NUBPL: variants seen among roughly 807,000 people sequenced by gnomAD.
The protein encoded by NUBPL is NUBP iron-sulfur cluster assembly factor, mitochondrial.
In NUBPL, 31 loss-of-function variants were observed where a neutral mutation model predicts 45.7. The observed-to-expected ratio is 0.68, with a 90% CI of 0.51 to 0.92. NUBPL has a LOEUF of 0.92. Among genes scored for constraint, NUBPL ranks in the 40% least tolerant of loss-of-function variants. The pLI, the probability that NUBPL is intolerant of heterozygous loss-of-function variation, is 0.00. For synonymous variants in NUBPL, 144 were observed against 140.9 expected, an observed-to-expected ratio of 1.02 and a Z score of -0.15; for missense variants, 401 against 398.7, an observed-to-expected ratio of 1.01 and a Z score of -0.05.
At chr14:31,693,523 TAA>T (rs1176068611) in intron 6 of NUBPL, among the ~76,000 whole-genome samples, 1 of 152,168 alleles carries the variant, frequency 6.6e-6, no homozygotes, top group Non-Finnish European at 1.5e-5. Context: ...CTTAAGATAT[TAA>T]GTTAGCCATA....
intron 4 of NUBPL, among the ~76,000 whole-genome samples, chr14:31,666,369 ATTC>A (rs1368079482): frequency 2.0e-5 from 3 of 151,204 alleles, no homozygotes; most frequent in African/African-American, 7.3e-5. Flanking sequence ...GGTTCAAACA[ATTC>A]TTCTGCTACA....
chr14:31,822,875 T>C (rs182032217), intron 7 of NUBPL, among the ~76,000 whole-genome samples: 1 of 152,150 alleles, frequency 6.6e-6, no homozygotes, highest in Admixed American at 6.6e-5. Context: ...CCAAATGGCA[T>C]AGATGCTTAT....
At chr14:31,715,961 T>C (rs1021047760) in intron 6 of NUBPL, among the ~76,000 whole-genome samples, 2 of 152,332 alleles carry the variant, frequency 1.3e-5, no homozygotes, top group South Asian at 4.1e-4. Context: ...TTTCTTTACA[T>C]CCTTTTTTCT....
intron 4 of NUBPL, among the ~76,000 whole-genome samples, chr14:31,635,225 C>G (rs1312312014): frequency 7.2e-5 from 11 of 151,930 alleles, no homozygotes; most frequent in Admixed American, 7.2e-4. Flanking sequence ...GGTTTTAGGT[C>G]TAACGTTTAA....
At chr14:31,606,391 C>T (rs1001697348) in intron 4 of NUBPL, among the ~76,000 whole-genome samples, 8 of 152,186 alleles carry the variant, frequency 5.3e-5, no homozygotes, top group African/African-American at 1.7e-4. Flanking sequence ...CACACCTGGC[C>T]TGGAACTGAG....
chr14:31,838,279 C>CAAAAAAAAAAAAAAAAAAAAA (rs748313330), intron 8 of NUBPL, among the ~76,000 whole-genome samples: 2 of 60,268 alleles, frequency 3.3e-5, no homozygotes, highest in African/African-American at 5.1e-5. Flanking sequence ...TAATATCCAG[C>CAAAAAAAAAAAAAAAAAAAAA]AAAAAAAAAA....
intron 6 of NUBPL, among the ~76,000 whole-genome samples, chr14:31,694,503 A>AT (rs2037170253): frequency 2.0e-5 from 3 of 152,116 alleles, no homozygotes; most frequent in African/African-American, 7.2e-5. Flanking sequence ...ATCTTACAGC[A>AT]ACATACATAC....
At chr14:31,730,090 G>A (rs540656464) in intron 6 of NUBPL, among the ~76,000 whole-genome samples, 8 of 152,134 alleles carry the variant, frequency 5.3e-5, no homozygotes, top group Admixed American at 2.0e-4. Context: ...ATGGCAGTAC[G>A]GCAATTTGGA....
intron 7 of NUBPL, among the ~76,000 whole-genome samples, chr14:31,807,276 A>C (rs1464703686): frequency 6.6e-6 from 1 of 151,272 alleles, no homozygotes; most frequent in Non-Finnish European, 1.5e-5. Flanking sequence ...CATACTCCCC[A>C]GCATCTGTTG....
At chr14:31,654,697 C>G (rs1187244410) in intron 4 of NUBPL, among the ~76,000 whole-genome samples, 1 of 152,192 alleles carries the variant, frequency 6.6e-6, no homozygotes, top group East Asian at 1.9e-4. Flanking sequence ...GTGTGAGCCA[C>G]TGTGCCTGCC....
At chr14:31,759,881 T>C (rs2038760631) in intron 6 of NUBPL, among the ~76,000 whole-genome samples, 1 of 151,464 alleles carries the variant, frequency 6.6e-6, no homozygotes, top group Non-Finnish European at 1.5e-5. Context: ...TGTAGGCCAG[T>C]ATAAGTGTTC....
At chr14:31,690,056 C>G (rs1366591224) in intron 6 of NUBPL, among the ~76,000 whole-genome samples, 3 of 150,710 alleles carry the variant, frequency 2.0e-5, no homozygotes, top group Non-Finnish European at 4.4e-5. Flanking sequence ...ATGCCTTGAA[C>G]AGGTTTTTAA....
chr14:31,786,164 GAATA>G (rs5807633), intron 6 of NUBPL, among the ~76,000 whole-genome samples: 18,552 of 151,662 alleles, frequency 0.12, 3,030 homozygotes, highest in African/African-American at 0.38. Context: ...TCACAAAAAT[GAATA>G]AATAAATAAA....
intron 8 of NUBPL, among the ~76,000 whole-genome samples, chr14:31,835,717 A>G (rs1205723657): frequency 6.6e-6 from 1 of 151,176 alleles, no homozygotes; most frequent in Non-Finnish European, 1.5e-5. Flanking sequence ...TGTTCTTTCC[A>G]TGTCAAATGA....
At chr14:31,786,818 C>T (rs1278981531) in intron 6 of NUBPL, among the ~76,000 whole-genome samples, 1 of 152,118 alleles carries the variant, frequency 6.6e-6, no homozygotes, top group Admixed American at 6.5e-5. Flanking sequence ...TGTTCTGGAG[C>T]TTAAGCTTAG....
intron 7 of NUBPL, among the ~76,000 whole-genome samples, chr14:31,821,536 A>G (rs899830177): frequency 3.3e-5 from 5 of 152,234 alleles, no homozygotes; most frequent in Non-Finnish European, 7.3e-5. Flanking sequence ...TCAGGCAATA[A>G]CAAAGCTGAC....
intron 8 of NUBPL, among the ~76,000 whole-genome samples, chr14:31,831,186 G>A (rs969862809): frequency 6.6e-6 from 1 of 151,866 alleles, no homozygotes; most frequent in African/African-American, 2.4e-5. Flanking sequence ...TGGGATTGCA[G>A]TCACCCACCA....
At chr14:31,730,287 A>G (rs910106102) in intron 6 of NUBPL, among the ~76,000 whole-genome samples, 1 of 152,126 alleles carries the variant, frequency 6.6e-6, no homozygotes, top group Non-Finnish European at 1.5e-5. Flanking sequence ...CATATGCTTC[A>G]CAAGACTGAG....
chr14:31,668,645 C>T (rs909685881), intron 4 of NUBPL, among the ~76,000 whole-genome samples: 3 of 152,224 alleles, frequency 2.0e-5, no homozygotes, highest in Non-Finnish European at 4.4e-5. Context: ...GCCCAAGCAG[C>T]TGCCCAGTTT....
Sources: gnomAD v4.1 joint callset for allele counts (sites outside exome capture counted in the v4.1 genomes callset) on GRCh38, gnomAD v4.1.1 for gene constraint, MANE v1.5 for transcripts, NCBI Gene and HGNC (gene_info 2026-07-23, HGNC 2026-07-21) for gene names.